Variants in KLF8 observed in about 807,000 individuals in gnomAD.
The protein encoded by KLF8 is Krueppel-like factor 8.
In KLF8, 10 loss-of-function variants were observed where a neutral mutation model predicts 18.2. The ratio of observed to expected loss-of-function variants is 0.55; its 90% confidence interval spans 0.34 to 0.93. The LOEUF (loss-of-function observed/expected upper bound fraction) is 0.93. KLF8 is among the 40% of genes least tolerant of loss of function. The pLI, the probability that KLF8 is intolerant of heterozygous loss-of-function variation, is 0.02. For missense variants in KLF8, 264 were observed against 277.9 expected, an observed-to-expected ratio of 0.95 and a Z score of 0.36; for synonymous variants, 109 against 97.3, an observed-to-expected ratio of 1.12 and a Z score of -0.71.
the KLF8 span, among the ~76,000 whole-genome samples, chrX:56,129,255 G>A: frequency 1.8e-5 from 2 of 112,118 alleles, no homozygotes; most frequent in Non-Finnish European, 3.8e-5. Flanking sequence ...ACTACTGCAG[G>A]AATAGACCAG....
In KLF8 at chrX:56,269,370, G is replaced by T; in HGVS notation, c.647-8G>T. 1 of 1,199,589 alleles carries T rather than the reference G, an allele frequency of 8.3e-7. No homozygotes were observed. Among genetic ancestry groups the T allele is most frequent in the Non-Finnish European group, 1.1e-6 (1 of 889,878 alleles). Reference sequence around the variant, plus strand: ...TCAGCTCACACTGCTCCCTTTCTTTGCTTTTAGTGAAAGTTGACCCCACCT... The same window carrying T: ...TCAGCTCACACTGCTCCCTTTCTTTTCTTTTAGTGAAAGTTGACCCCACCT... On this transcript the variant is annotated splice_region_variant and splice_polypyrimidine_tract_variant and intron_variant, in intron 3 of 5. Transcript: ENST00000468660.
the KLF8 span, among the ~76,000 whole-genome samples, chrX:56,080,220 G>A: frequency 9.1e-6 from 1 of 110,375 alleles, no homozygotes; most frequent in African/African-American, 3.3e-5. Flanking sequence ...TTGCTCGTTA[G>A]TTGATGCAGT....
At chrX:56,224,574 T>C in the KLF8 span, among the ~76,000 whole-genome samples, 12 of 111,770 alleles carry the variant, frequency 1.1e-4, no homozygotes, top group Non-Finnish European at 1.9e-4. Flanking sequence ...ACTGTGTTTG[T>C]TTCTGTGGCA....
At chrX:56,006,384 G>A in the KLF8 span, among the ~76,000 whole-genome samples, 1 of 111,602 alleles carries the variant, frequency 9.0e-6, no homozygotes, top group African/African-American at 3.3e-5. Flanking sequence ...CTCTGTACAT[G>A]GTTTCTATCA....
chrX:56,160,081 A>G, the KLF8 span, among the ~76,000 whole-genome samples: 1 of 111,742 alleles, frequency 8.9e-6, no homozygotes, highest in Non-Finnish European at 1.9e-5. Flanking sequence ...AGATTCTGGT[A>G]TGTTGTGTCT....
chrX:56,264,982 C>T (rs1380162008), intron 2 of KLF8, among the ~76,000 whole-genome samples, 198 bp from the exon 3 acceptor site: 2 of 111,547 alleles, frequency 1.8e-5, no homozygotes, highest in Non-Finnish European at 3.8e-5. Flanking sequence ...TAACAATTGC[C>T]GGATACAGTA....
the KLF8 span, among the ~76,000 whole-genome samples, chrX:56,173,334 C>G: frequency 8.9e-6 from 1 of 111,945 alleles, no homozygotes; most frequent in Non-Finnish European, 1.9e-5. Flanking sequence ...CCAGTTTTCC[C>G]AGCACCTTTT....
chrX:56,028,021 T>C, the KLF8 span, among the ~76,000 whole-genome samples: 1 of 112,323 alleles, frequency 8.9e-6, no homozygotes, highest in Non-Finnish European at 1.9e-5. Flanking sequence ...GGCAGGACTG[T>C]CAGACATGGA....
At chrX:55,939,549 A>G in the KLF8 span, among the ~76,000 whole-genome samples, 1 of 112,094 alleles carries the variant, frequency 8.9e-6, no homozygotes, top group Non-Finnish European at 1.9e-5. Context: ...AAGGAAATAG[A>G]GACACAAAAA....
the KLF8 span, among the ~76,000 whole-genome samples, chrX:56,175,366 T>C: frequency 4.5e-5 from 5 of 112,244 alleles, no homozygotes; most frequent in East Asian, 5.6e-4. Context: ...CGAGTAGTCA[T>C]TCATGAGCAG....
chrX:56,026,772 C>T, the KLF8 span, among the ~76,000 whole-genome samples: 4 of 111,801 alleles, frequency 3.6e-5, no homozygotes, highest in Non-Finnish European at 5.6e-5. Flanking sequence ...GGTTACTTCA[C>T]GAGCTTTTTC....
the KLF8 span, among the ~76,000 whole-genome samples, chrX:55,956,374 T>A: frequency 1.8e-5 from 2 of 111,776 alleles, no homozygotes; most frequent in Admixed American, 9.5e-5. Flanking sequence ...TATACAAATA[T>A]GTCTTTGAGA....
At chrX:56,084,482 G>T in the KLF8 span, among the ~76,000 whole-genome samples, 58,709 of 110,908 alleles carry the variant, frequency 0.53, 13,591 homozygotes, top group East Asian at 0.74. Flanking sequence ...CACAACAAAT[G>T]ACATACAGCC....
At chrX:56,169,602 G>T in the KLF8 span, among the ~76,000 whole-genome samples, 3 of 111,632 alleles carry the variant, frequency 2.7e-5, no homozygotes, top group East Asian at 2.8e-4. Context: ...GGCTCCTAAG[G>T]CTGTAGAAAG....
chrX:56,124,533 C>T, the KLF8 span, among the ~76,000 whole-genome samples: 1 of 111,857 alleles, frequency 8.9e-6, no homozygotes, highest in Non-Finnish European at 1.9e-5. Context: ...GCTTTTCATT[C>T]ACAGCTGCCT....
chrX:56,167,398 G>T, the KLF8 span, among the ~76,000 whole-genome samples: 1 of 112,009 alleles, frequency 8.9e-6, no homozygotes, highest in Non-Finnish European at 1.9e-5. Context: ...CCAAAGTGCT[G>T]GGATTACGGT....
chrX:56,040,952 A>G, the KLF8 span, among the ~76,000 whole-genome samples: 1 of 92,540 alleles, frequency 1.1e-5, no homozygotes, highest in African/African-American at 4.0e-5. Flanking sequence ...ACTTGTTATC[A>G]GTCTACTCAG....
the KLF8 span, among the ~76,000 whole-genome samples, chrX:56,198,962 C>G: frequency 3.6e-5 from 4 of 111,555 alleles, no homozygotes; most frequent in African/African-American, 1.3e-4. Context: ...TTATCTGTGA[C>G]AATCCTCACC....
At chrX:56,062,374 G>C in the KLF8 span, among the ~76,000 whole-genome samples, 1 of 111,312 alleles carries the variant, frequency 9.0e-6, no homozygotes, top group Non-Finnish European at 1.9e-5. Flanking sequence ...TGTAAGGTAG[G>C]CCTGGTGGTG....
Sources: gnomAD v4.1 joint callset for allele counts (sites outside exome capture counted in the v4.1 genomes callset) on GRCh38, gnomAD v4.1.1 for gene constraint, MANE v1.5 for transcripts, NCBI Gene and HGNC (gene_info 2026-07-23, HGNC 2026-07-21) for gene names.